HMG20A: variants seen among roughly 807,000 people sequenced by gnomAD.
HMG20A encodes high mobility group 20A.
HMG20A carries 17 observed loss-of-function variants against 43.9 expected under a neutral mutation model. The observed-to-expected ratio is 0.39, with a 90% confidence interval of 0.27 to 0.58. The LOEUF (loss-of-function observed/expected upper bound fraction) is 0.58. Among genes scored for constraint, HMG20A ranks in the 20% least tolerant of loss-of-function variants. The probability of loss-of-function intolerance (pLI) is 0.59; values close to 1 mark genes in which losing one functional copy is unlikely to be tolerated. For missense variants in HMG20A, 341 were observed against 438.2 expected (o/e 0.78, Z 1.98); for synonymous variants, 132 against 147.5 (o/e 0.89, Z 0.76).
chr15:77,509,963 C>T, the HMG20A span, among the ~76,000 whole-genome samples: 2 of 151,868 alleles, frequency 1.3e-5, no homozygotes, highest in African/African-American at 4.8e-5. Context: ...AACCTGAATG[C>T]ATCCAAGATC....
chr15:77,438,587 T>C (rs889381307), intron 1 of HMG20A, among the ~76,000 whole-genome samples: 2 of 152,332 alleles, frequency 1.3e-5, no homozygotes, highest in East Asian at 3.9e-4. Flanking sequence ...GTTTGCTTTC[T>C]CCATCTTAGA....
chr15:77,485,102 T>C lies in HMG20A; in HGVS notation c.*2139T>C, dbSNP rs1355037651. ...AAGAGAGCCTACAGTATGAAATCAT[T>C]TTCACAAAATAAGCAGCTTGCTTCT... On this transcript the variant is annotated 3_prime_UTR_variant, in exon 10 of 10. Transcript: ENST00000336216. The C allele has an allele frequency of 6.6e-6, 1 of 152,388 alleles. No homozygotes were observed. The highest frequency in any genetic ancestry group is 1.5e-5 in the Non-Finnish European group (1 of 68,030). The allele number at this position is 152,388 out of a possible 1,614,324, so 9.4% of individuals were successfully genotyped here. A position where few individuals can be genotyped will look rare whatever the true frequency, so the allele number is the denominator to read the frequency against.
At chr15:77,478,260 G>A (rs767645716) in intron 7 of HMG20A, 35 bp from the exon 8 acceptor site, 1 of 1,605,736 alleles carries the variant, frequency 6.2e-7, no homozygotes, top group Non-Finnish European at 8.5e-7. Context: ...ACTCCTTCTA[G>A]TGCTGCATGT....
At chr15:77,486,173 C>T (rs2072944453), downstream of HMG20A, among the ~76,000 whole-genome samples, 1 of 151,380 alleles carries the variant, frequency 6.6e-6, no homozygotes, top group Non-Finnish European at 1.5e-5. Context: ...AGACAACTTA[C>T]AAGGATGTTT....
intron 1 of HMG20A, among the ~76,000 whole-genome samples, chr15:77,452,758 C>T (rs901004048): frequency 6.6e-6 from 1 of 152,046 alleles, no homozygotes; most frequent in African/African-American, 2.4e-5. Context: ...ATAATTTGTA[C>T]TTTAAAGTTA....
chr15:77,421,671 T>C (rs1453912875), intron 1 of HMG20A, among the ~76,000 whole-genome samples: 1 of 152,226 alleles, frequency 6.6e-6, no homozygotes, highest in African/African-American at 2.4e-5. Flanking sequence ...ATTTTCATCT[T>C]AGCAGAATGA....
At chr15:77,469,671 GTT>G in intron 4 of HMG20A, among the ~76,000 whole-genome samples, 1 of 151,992 alleles carries the variant, frequency 6.6e-6, no homozygotes, top group Non-Finnish European at 1.5e-5. Flanking sequence ...TTGTTTGTTT[GTT>G]TGTTTGTTTT....
chr15:77,486,971 GGGCAGTTAAA>G (rs1333282618), downstream of HMG20A, among the ~76,000 whole-genome samples: 1 of 152,160 alleles, frequency 6.6e-6, no homozygotes, highest in East Asian at 1.9e-4. Context: ...TGCCAAAGTT[GGGCAGTTAAA>G]GGCTAGTATG....
At chr15:77,429,100 T>C (rs534854364) in intron 1 of HMG20A, among the ~76,000 whole-genome samples, 72 of 152,314 alleles carry the variant, frequency 4.7e-4, no homozygotes, top group Admixed American at 1.2e-3. Context: ...CTCAACACTT[T>C]GGGAGGCTGA....
intron 6 of HMG20A, among the ~76,000 whole-genome samples, chr15:77,473,398 T>C (rs764980640): frequency 6.6e-6 from 1 of 152,232 alleles, no homozygotes; most frequent in African/African-American, 2.4e-5. Context: ...ATCAATATCA[T>C]GAAATTCCTG....
At chr15:77,502,504 C>T in the HMG20A span, among the ~76,000 whole-genome samples, 1 of 152,214 alleles carries the variant, frequency 6.6e-6, no homozygotes, top group South Asian at 2.1e-4. Context: ...CCTCTGCTAA[C>T]ACGTAAAGTT....
At chr15:77,495,474 A>G in the HMG20A span, among the ~76,000 whole-genome samples, 2 of 152,190 alleles carry the variant, frequency 1.3e-5, no homozygotes, top group Non-Finnish European at 2.9e-5. Context: ...GCTTGAACCC[A>G]GAAAGCAGAG....
At chr15:77,462,535 G>A (rs1235675040) in intron 2 of HMG20A, among the ~76,000 whole-genome samples, 3 of 151,842 alleles carry the variant, frequency 2.0e-5, no homozygotes, top group African/African-American at 7.3e-5. Context: ...CCAGTTGTCT[G>A]TGGTACATTT....
At chr15:77,512,838 G>A in the HMG20A span, among the ~76,000 whole-genome samples, 1,761 of 152,160 alleles carry the variant, frequency 0.012, 41 homozygotes, top group African/African-American at 0.04. Flanking sequence ...CACTGGTGAA[G>A]CCTGGTAGAT....
At chr15:77,431,098 C>G (rs2073480021) in intron 1 of HMG20A, among the ~76,000 whole-genome samples, 1 of 152,178 alleles carries the variant, frequency 6.6e-6, no homozygotes, top group South Asian at 2.1e-4. Context: ...TTCAAAGGAA[C>G]AATTAGACTG....
chr15:77,423,478 C>T (rs1238780394), intron 1 of HMG20A, among the ~76,000 whole-genome samples: 2 of 152,146 alleles, frequency 1.3e-5, no homozygotes, highest in East Asian at 3.9e-4. Context: ...TGTACTGTTA[C>T]TTCAAGTTAA....
chr15:77,504,080 T>C, the HMG20A span, among the ~76,000 whole-genome samples: 1 of 152,192 alleles, frequency 6.6e-6, no homozygotes, highest in Non-Finnish European at 1.5e-5. Flanking sequence ...GGGAAAAAAA[T>C]ATCTTTAGTA....
chr15:77,480,719 CTTT>C (rs138884448), intron 9 of HMG20A, among the ~76,000 whole-genome samples: 4 of 129,056 alleles, frequency 3.1e-5, no homozygotes, highest in Non-Finnish European at 6.6e-5. Flanking sequence ...AGTATGTATC[CTTT>C]TTTTTTTTTT....
intron 1 of HMG20A, chr15:77,447,669 T>G (rs1201831245): frequency 6.6e-6 from 1 of 152,236 alleles, no homozygotes; most frequent in Non-Finnish European, 1.5e-5. Flanking sequence ...AGTTTAATTT[T>G]TGTTTCTAAC....
Sources: gnomAD v4.1 joint callset for allele counts (sites outside exome capture counted in the v4.1 genomes callset) on GRCh38, gnomAD v4.1.1 for gene constraint, MANE v1.5 for transcripts, NCBI Gene and HGNC (gene_info 2026-07-23, HGNC 2026-07-21) for gene names.